The following ST8SIA4 variants were observed in gnomAD, a reference collection of about 807,000 sequenced individuals.
ST8SIA4 encodes ST8 alpha-N-acetyl-neuraminide alpha-2,8-sialyltransferase 4.
A neutral mutation model predicts 33.9 loss-of-function variants in ST8SIA4; 15 were observed. The observed-to-expected ratio is 0.44, with a 90% confidence interval of 0.30 to 0.68. ST8SIA4 has a LOEUF of 0.68. ST8SIA4 is among the 30% of genes least tolerant of loss of function. The pLI, the probability that ST8SIA4 is intolerant of heterozygous loss-of-function variation, is 0.10. For synonymous variants in ST8SIA4, 171 were observed against 151.2 expected, an observed-to-expected ratio of 1.13 and a Z score of -0.96; for missense variants, 321 against 428.0, an observed-to-expected ratio of 0.75 and a Z score of 2.21.
intron 4 of ST8SIA4, among the ~76,000 whole-genome samples, chr5:100,837,853 C>T (rs1055071507): frequency 6.6e-6 from 1 of 151,836 alleles, no homozygotes; most frequent in Admixed American, 6.6e-5. Context: ...ATATTTGATA[C>T]CTAGCTATTG....
At chr5:100,872,856 A>G (rs751873626) in intron 3 of ST8SIA4, among the ~76,000 whole-genome samples, 19 of 148,242 alleles carry the variant, frequency 1.3e-4, no homozygotes, top group Non-Finnish European at 2.7e-4. Context: ...TCTTGGTGCT[A>G]GGTCCTAAAG....
At chr5:100,901,521 A>G (rs1321737236) in intron 1 of ST8SIA4, among the ~76,000 whole-genome samples, 1 of 152,044 alleles carries the variant, frequency 6.6e-6, no homozygotes, top group East Asian at 1.9e-4. Flanking sequence ...TTTTCTAACA[A>G]CTGAGCTAGA....
In ST8SIA4 at chr5:100,810,926, C is replaced by G. The variant is rs902536540; in HGVS notation, c.*921G>C. The G allele has an allele frequency of 6.6e-6, 1 of 152,364 alleles. No homozygotes were observed. The highest frequency in any genetic ancestry group is 2.4e-5 in the African/African-American group (1 of 41,400). 9.4% of individuals were successfully genotyped at this position (152,364 alleles called of 1,614,324 possible). A position where few individuals can be genotyped will look rare whatever the true frequency, so the allele number is the denominator to read the frequency against. On this transcript the variant is annotated 3_prime_UTR_variant, in exon 5 of 5. Coordinates refer to ENST00000231461, the MANE Select transcript of ST8SIA4 (RefSeq NM_005668.6). ...GGCACGGTGGCTCACGCCTGTAATCCCAGCACTTTGGGAGGCCAAGGCGGG... is the reference window on the plus strand; with the variant it reads ...GGCACGGTGGCTCACGCCTGTAATCGCAGCACTTTGGGAGGCCAAGGCGGG...
chr5:100,854,511 A>C (rs1751771506), intron 4 of ST8SIA4, among the ~76,000 whole-genome samples: 1 of 152,134 alleles, frequency 6.6e-6, no homozygotes. Context: ...TGAACCCAGG[A>C]GGCAGAGCTT....
intron 4 of ST8SIA4, among the ~76,000 whole-genome samples, chr5:100,818,396 T>C (rs751874583): frequency 1.3e-5 from 2 of 152,134 alleles, no homozygotes; most frequent in Non-Finnish European, 2.9e-5. Flanking sequence ...AAGAGAGGAC[T>C]AGTATAAAGG....
rs564124549 is a variant in ST8SIA4, at chr5:100,823,413, T to C, written c.798-11284A>G. Among the ~76,000 whole-genome samples, 6 of 152,312 alleles carry C rather than the reference T, an allele frequency of 3.9e-5. No homozygotes were observed. The East Asian group carries it at 1.2e-3, about 29-fold the overall frequency. On this transcript the variant is annotated intron_variant, in intron 4 of 4. Coordinates refer to ENST00000231461, the MANE Select transcript of ST8SIA4 (RefSeq NM_005668.6). ...ATGAAGTAGCCATTCTTATATTCCT[T>C]TACTTTCTTAATAAACTTTCTTTCC...
chr5:100,880,958 C>T (rs1043049389), intron 3 of ST8SIA4, among the ~76,000 whole-genome samples: 11 of 152,132 alleles, frequency 7.2e-5, no homozygotes, highest in Non-Finnish European at 1.3e-4. Flanking sequence ...ATACATAAAA[C>T]ACATATATCT....
At chr5:100,836,890 TA>T (rs1751374415) in intron 4 of ST8SIA4, among the ~76,000 whole-genome samples, 1 of 152,058 alleles carries the variant, frequency 6.6e-6, no homozygotes, top group East Asian at 1.9e-4. Context: ...TTTGGAGACT[TA>T]CTTTCCAATT....
At chr5:100,886,093 C>A (rs1752529153) in intron 3 of ST8SIA4, 2 of 1,264,508 alleles carry the variant, frequency 1.6e-6, no homozygotes, top group Non-Finnish European at 2.0e-6. Flanking sequence ...TTTGCCTCCC[C>A]CCTCACCTCA....
chr5:100,854,239 C>A (rs1751764994), intron 4 of ST8SIA4, among the ~76,000 whole-genome samples: 1 of 151,260 alleles, frequency 6.6e-6, no homozygotes, highest in Non-Finnish European at 1.5e-5. Context: ...GTTGAAACTT[C>A]CTGTCAACCA....
At chr5:100,822,520 C>T (rs1007332549) in intron 4 of ST8SIA4, among the ~76,000 whole-genome samples, 2 of 152,172 alleles carry the variant, frequency 1.3e-5, no homozygotes, top group Admixed American at 6.5e-5. Flanking sequence ...TGGGTAAAAA[C>T]ATTTTCCCTT....
At chr5:100,895,040 A>C (rs1332687704) in intron 2 of ST8SIA4, among the ~76,000 whole-genome samples, 1 of 152,076 alleles carries the variant, frequency 6.6e-6, no homozygotes, top group Admixed American at 6.6e-5. Flanking sequence ...TATTAGTAAC[A>C]GGTTTATATC....
chr5:100,846,224 T>A (rs550443143), intron 4 of ST8SIA4, among the ~76,000 whole-genome samples: 1 of 151,894 alleles, frequency 6.6e-6, no homozygotes, highest in Non-Finnish European at 1.5e-5. Flanking sequence ...CCCAGATCGA[T>A]GAAAAAAACC....
intron 3 of ST8SIA4, among the ~76,000 whole-genome samples, chr5:100,880,519 G>C (rs561542893): frequency 1.8e-3 from 281 of 152,208 alleles, no homozygotes; most frequent in Non-Finnish European, 3.3e-3. Flanking sequence ...TGTCCCTGAA[G>C]CTTCAGATTA....
intron 4 of ST8SIA4, among the ~76,000 whole-genome samples, chr5:100,819,828 C>T (rs1048419052): frequency 3.9e-5 from 6 of 152,028 alleles, no homozygotes; most frequent in Admixed American, 6.6e-5. Flanking sequence ...AAATGTTTAA[C>T]ATTATCTAAT....
At position 100,836,077 on chromosome 5, in the gene ST8SIA4, G is replaced by C. The variant is rs553037879; in HGVS notation, c.797+20026C>G. ...CTGGAAAGAGAGAAATACCTTGAGA[G>C]AGAAATGAGCTTTGCTTAATTACCC... is the stretch of plus-strand genomic sequence containing the variant. On this transcript the variant is annotated intron_variant, in intron 4 of 4. Coordinates refer to ENST00000231461, the MANE Select transcript of ST8SIA4 (RefSeq NM_005668.6). 3.0e-4 allele frequency among the ~76,000 whole-genome samples: 46 copies of C among 152,198 alleles called. No homozygotes were observed. In the South Asian group the frequency reaches 7.0e-3, roughly 23 times the overall value.
At chr5:100,853,631 G>T (rs1015071577) in intron 4 of ST8SIA4, among the ~76,000 whole-genome samples, 3 of 152,268 alleles carry the variant, frequency 2.0e-5, no homozygotes, top group African/African-American at 4.8e-5. Flanking sequence ...TATTTATAAT[G>T]GTTATAAAAG....
chr5:100,856,244 T>C lies in ST8SIA4; in HGVS notation c.656A>G (p.Asn219Ser). 4 of 1,614,152 alleles carry C rather than the reference T, an allele frequency of 2.5e-6. No homozygotes were observed. Among genetic ancestry groups the C allele is most frequent in the Admixed American group, 1.7e-5 (1 of 60,018 alleles). The change falls in exon 4 of 5, where the codon AAT (asparagine) becomes AGT (serine). Residue 219 changes from asparagine to serine, a missense_variant. Asn to Ser is a conservative substitution (Grantham distance 46). Transcript: ENST00000231461. ...EKFVHRLSML[N>S]DSVLWIPAFM... ...AGCAGGAATCCAAAGGACACTGTCA[T>C]TCAGCATGGAAAGTCTATGCACAAA...
intron 4 of ST8SIA4, among the ~76,000 whole-genome samples, chr5:100,827,782 G>A (rs959760120): frequency 5.3e-5 from 8 of 152,184 alleles, no homozygotes; most frequent in African/African-American, 1.9e-4. Context: ...AATCCAGGAT[G>A]TATCTTTGTC....
Sources: allele counts gnomAD v4.1 joint callset (sites outside exome capture counted in the v4.1 genomes callset), GRCh38; gene constraint gnomAD v4.1.1; transcripts MANE v1.5; gene names NCBI Gene and HGNC (gene_info 2026-07-23, HGNC 2026-07-21).